Variants in SMCO4 observed in about 807,000 individuals in gnomAD.
SMCO4 encodes single-pass membrane protein with coiled-coil domains 4, also known as single-pass membrane and coiled-coil domain-containing protein 4.
Under a neutral mutation model 3.6 loss-of-function variants are expected in SMCO4, and 4 were observed. The ratio of observed to expected loss-of-function variants is 1.11; its 90% CI spans 0.54 to 2.53. The LOEUF is 2.53. Among genes scored for constraint, SMCO4 ranks in the 30% most tolerant of loss-of-function variants. SMCO4 has a pLI of 0.02. For synonymous variants in SMCO4, 36 were observed against 35.3 expected, an observed-to-expected ratio of 1.02 and a Z score of -0.07; for missense variants, 70 against 80.8, an observed-to-expected ratio of 0.87 and a Z score of 0.51.
chr11:93,490,714 G>A (rs1404003547), intron 2 of SMCO4, among the ~76,000 whole-genome samples: 1 of 152,182 alleles, frequency 6.6e-6, no homozygotes, highest in Non-Finnish European at 1.5e-5. Flanking sequence ...ATATTAAAAG[G>A]GCATAAATTA....
intron 2 of SMCO4, among the ~76,000 whole-genome samples, chr11:93,492,138 A>G (rs1047116936): frequency 6.6e-6 from 1 of 152,218 alleles, no homozygotes; most frequent in Non-Finnish European, 1.5e-5. Context: ...GCTAGGGACT[A>G]GCCCCAGAGA....
upstream of SMCO4, among the ~76,000 whole-genome samples, chr11:93,547,989 G>A (rs1949325699): frequency 6.6e-6 from 1 of 152,198 alleles, no homozygotes; most frequent in South Asian, 2.1e-4. Context: ...GCATGTCTCA[G>A]AATGTTTGCA....
At chr11:93,521,896 C>T (rs1949061020) in intron 1 of SMCO4, among the ~76,000 whole-genome samples, 1 of 152,158 alleles carries the variant, frequency 6.6e-6, no homozygotes, top group Non-Finnish European at 1.5e-5. Context: ...ATCATTGATC[C>T]ACAGTCAGAA....
intron 1 of SMCO4, among the ~76,000 whole-genome samples, chr11:93,502,897 G>C (rs556298523): frequency 2.0e-5 from 3 of 152,110 alleles, no homozygotes. Flanking sequence ...TCCTTACACA[G>C]GCCAGCCACT....
Position 93,513,991 on chromosome 11 carries a change from A to G in SMCO4, c.-153-14643T>C, listed in dbSNP as rs55964809. On this transcript the variant is annotated intron_variant, in intron 1 of 2. Coordinates refer to ENST00000298966, the MANE Select transcript of SMCO4 (RefSeq NM_020179.3). ...TTTCCTCTACTAACCAAGCTGCTTC[A>G]GGGCAGGGACCACCTGGTTTCATCA... 8.5e-3 allele frequency among the ~76,000 whole-genome samples: 1,288 copies of G among 152,266 alleles called. 8 individuals carry two copies. Among genetic ancestry groups the G allele is most frequent in the African/African-American group, 0.029 (1,203 of 41,546 alleles).
chr11:93,488,149 T>C (rs1259468610), intron 2 of SMCO4, among the ~76,000 whole-genome samples: 1 of 152,204 alleles, frequency 6.6e-6, no homozygotes, highest in Non-Finnish European at 1.5e-5. Context: ...AAAGTGACAC[T>C]GGACCAGAGA....
At chr11:93,498,607 G>GA (rs1948802628) in intron 2 of SMCO4, among the ~76,000 whole-genome samples, 1 of 152,026 alleles carries the variant, frequency 6.6e-6, no homozygotes, top group Admixed American at 6.5e-5. Context: ...AATCAAATGT[G>GA]AAAAAAAAGT....
intron 1 of SMCO4, among the ~76,000 whole-genome samples, chr11:93,528,332 G>A (rs1949130729): frequency 1.3e-5 from 2 of 152,186 alleles, no homozygotes; most frequent in African/African-American, 4.8e-5. Context: ...TCAAGGAAAG[G>A]ATAAAAAGTT....
At chr11:93,507,510 T>G (rs529961901) in intron 1 of SMCO4, among the ~76,000 whole-genome samples, 2 of 152,234 alleles carry the variant, frequency 1.3e-5, no homozygotes, top group African/African-American at 2.4e-5. Flanking sequence ...AAATGTGATA[T>G]GTTGATATTT....
At chr11:93,516,848 G>A (rs1591319771) in intron 1 of SMCO4, among the ~76,000 whole-genome samples, 1 of 151,998 alleles carries the variant, frequency 6.6e-6, no homozygotes, top group Non-Finnish European at 1.5e-5. Context: ...ATTTACATTC[G>A]AGTAGTATCC....
At chr11:93,544,237 T>C (rs1044248520), upstream of SMCO4, among the ~76,000 whole-genome samples, 3 of 152,248 alleles carry the variant, frequency 2.0e-5, no homozygotes, top group African/African-American at 4.8e-5. Context: ...TGTGCGGTGG[T>C]ATGTAAATGG....
At chr11:93,492,948 G>A (rs1948735443) in intron 2 of SMCO4, among the ~76,000 whole-genome samples, 2 of 152,188 alleles carry the variant, frequency 1.3e-5, no homozygotes, top group South Asian at 4.1e-4. Flanking sequence ...TTACATAGCG[G>A]TGTGTCAATG....
chr11:93,493,807 C>G (rs1423060386), intron 2 of SMCO4, among the ~76,000 whole-genome samples: 1 of 152,190 alleles, frequency 6.6e-6, no homozygotes, highest in African/African-American at 2.4e-5. Context: ...TCCAAGCCTC[C>G]TCATCTTGGC....
chr11:93,492,620 AG>A (rs1299433189), intron 2 of SMCO4, among the ~76,000 whole-genome samples: 33 of 152,350 alleles, frequency 2.2e-4, no homozygotes, highest in Non-Finnish European at 4.4e-4. Context: ...CCTGCAGGAA[AG>A]GCTGGAGCAA....
At chr11:93,535,629 C>T in intron 1 of SMCO4, 1 of 1,586,336 alleles carries the variant, frequency 6.3e-7, no homozygotes, top group Non-Finnish European at 8.6e-7. Flanking sequence ...CTGCAGACAA[C>T]AAGTGTCTGT....
intron 1 of SMCO4, among the ~76,000 whole-genome samples, chr11:93,526,378 T>C (rs577645386): frequency 5.3e-5 from 8 of 151,786 alleles, no homozygotes; most frequent in African/African-American, 1.9e-4. Context: ...AGTTACAGAA[T>C]GATCTCCTAA....
At chr11:93,551,390 G>A in the SMCO4 span, among the ~76,000 whole-genome samples, 5 of 152,070 alleles carry the variant, frequency 3.3e-5, no homozygotes, top group South Asian at 2.1e-4. Flanking sequence ...TCTATGTCTC[G>A]GACAATGATC....
At chr11:93,498,733 C>T (rs1948803946) in intron 2 of SMCO4, among the ~76,000 whole-genome samples, 1 of 152,214 alleles carries the variant, frequency 6.6e-6, no homozygotes, top group South Asian at 2.1e-4. Context: ...AAGAATGATT[C>T]CTAGTACAGG....
intron 1 of SMCO4, among the ~76,000 whole-genome samples, chr11:93,530,069 T>C (rs1949147843): frequency 6.6e-6 from 1 of 152,196 alleles, no homozygotes; most frequent in South Asian, 2.1e-4. Context: ...TTTCACAGCA[T>C]AGTGATTTTA....
Sources: allele counts gnomAD v4.1 joint callset (sites outside exome capture counted in the v4.1 genomes callset), GRCh38; gene constraint gnomAD v4.1.1; transcripts MANE v1.5; gene names NCBI Gene and HGNC (gene_info 2026-07-23, HGNC 2026-07-21).